The following FBN2 variants were observed in gnomAD, a reference collection of about 807,000 sequenced individuals.
FBN2 encodes the protein fibrillin 2, also known as fibrillin-2.
A neutral mutation model predicts 355.6 loss-of-function variants in FBN2; 105 were observed. The ratio of observed to expected loss-of-function variants is 0.30; its 90% CI spans 0.25 to 0.35. The LOEUF (loss-of-function observed/expected upper bound fraction) is 0.35. FBN2 is among the 10% of genes least tolerant of loss of function. The pLI is 1.00. For synonymous variants in FBN2, 1,350 were observed against 1,301.2 expected (o/e 1.04, Z -0.81); for missense variants, 3,280 against 3,758.7 (o/e 0.87, Z 3.33).
chr5:128,269,747 A>G (rs1425722469), intron 62 of FBN2, among the ~76,000 whole-genome samples: 1 of 152,216 alleles, frequency 6.6e-6, no homozygotes, highest in Non-Finnish European at 1.5e-5. Context: ...ATGAATGGAA[A>G]AACATTCCAT....
chr5:128,355,022 G>A (rs1751464752), intron 20 of FBN2, among the ~76,000 whole-genome samples: 1 of 152,130 alleles, frequency 6.6e-6, no homozygotes, highest in Non-Finnish European at 1.5e-5. Context: ...ACGGACTGGT[G>A]GAACACTTCA....
intron 5 of FBN2, among the ~76,000 whole-genome samples, chr5:128,476,763 T>C (rs1755015105): frequency 6.6e-6 from 1 of 152,336 alleles, no homozygotes; most frequent in East Asian, 1.9e-4. Context: ...ATTCTACTTC[T>C]GTTTTCATGG....
At position 128,263,463 on chromosome 5, in the gene FBN2, G is replaced by A. The variant is rs34119447; in HGVS notation, c.8154C>T (p.Leu2718=). ...YGCSNTEGGY[L]CGCPPGYYRV... ...TGTAATACCCAGGGGGGCAGCCACA[G>A]AGGTAGCCCCCCTCCGTGTTAGAGC... Residue 2718 remains leucine (L), a synonymous_variant, in exon 63 of 65, where the codon CTC becomes CTT. Coordinates refer to ENST00000262464, the MANE Select transcript of FBN2 (RefSeq NM_001999.4). 1.2e-3 allele frequency: 1,891 copies of A among 1,614,106 alleles called. 17 individuals are homozygous for A. In the African/African-American group the frequency reaches 0.02, roughly 17 times the overall value.
At chr5:128,283,746 A>T (rs1749054574) in intron 55 of FBN2, among the ~76,000 whole-genome samples, 1 of 152,214 alleles carries the variant, frequency 6.6e-6, no homozygotes, top group African/African-American at 2.4e-5. Flanking sequence ...AACATATCTG[A>T]CACTGAGCAT....
intron 7 of FBN2, among the ~76,000 whole-genome samples, chr5:128,414,774 C>A (rs572932836): frequency 6.6e-6 from 1 of 152,220 alleles, no homozygotes; most frequent in South Asian, 2.1e-4. Flanking sequence ...GTCCTTCATA[C>A]ACACCACATC....
intron 8 of FBN2, among the ~76,000 whole-genome samples, chr5:128,403,237 C>G (rs943791838): frequency 6.6e-6 from 1 of 151,436 alleles, no homozygotes; most frequent in African/African-American, 2.4e-5. Flanking sequence ...CTCAAACTTT[C>G]TTTTATATTG....
intron 53 of FBN2, among the ~76,000 whole-genome samples, chr5:128,287,984 C>G (rs752655106): frequency 6.6e-6 from 1 of 152,186 alleles, no homozygotes; most frequent in African/African-American, 2.4e-5. Flanking sequence ...AAAGAACTGA[C>G]AGATGAGCCA....
In FBN2 at chr5:128,376,601, A is replaced by G. The variant is rs959886704; in HGVS notation, c.1972+130T>C. On this transcript the variant is annotated intron_variant, in intron 14 of 64. Coordinates refer to ENST00000262464, the MANE Select transcript of FBN2 (RefSeq NM_001999.4). ...CTAGAAAGCTTTAGACACCTGCCTT[A>G]GTGAATTAGCAAGAAATGTGAATAA... 9.3e-6 allele frequency: 10 copies of G among 1,078,028 alleles called. No homozygotes were observed. The East Asian group carries it at 2.4e-4, about 26-fold the overall frequency. The allele number at this position is 1,078,028 out of a possible 1,614,324, so 66.8% of individuals were successfully genotyped here.
chr5:128,357,435 G>A lies in FBN2; in HGVS notation c.2555-40C>T, dbSNP rs142289822. ...GAAAAGATTCTGTTAGAACTGCCAT[G>A]TGTTTCTGGAAAATATTATTCCAAC... On this transcript the variant is annotated intron_variant, in intron 19 of 64. Transcript: ENST00000262464. 315 of 1,612,656 alleles carry A rather than the reference G, an allele frequency of 2.0e-4. No homozygotes were observed. The African/African-American group carries it at 4.0e-3, about 20-fold the overall frequency.
At chr5:128,310,272 C>A (rs1749997940) in intron 39 of FBN2, among the ~76,000 whole-genome samples, 164 bp from the exon 40 acceptor site, 1 of 149,870 alleles carries the variant, frequency 6.7e-6, no homozygotes, top group Non-Finnish European at 1.5e-5. Context: ...AACACAGATA[C>A]ATCTTTCTTC....
Position 128,377,884 on chromosome 5 carries a change from A to C in FBN2, c.1724-7T>G, listed in dbSNP as rs1490528227. Reference sequence around the variant, plus strand: ...TGGATGCACTCATCAATATCTAGGAAGATTGAGAATGGCCAAACATCATTC... The same window carrying C: ...TGGATGCACTCATCAATATCTAGGACGATTGAGAATGGCCAAACATCATTC... On this transcript the variant is annotated splice_region_variant and splice_polypyrimidine_tract_variant and intron_variant, in intron 12 of 64. Coordinates refer to ENST00000262464, the MANE Select transcript of FBN2 (RefSeq NM_001999.4). 2 of 1,612,334 alleles carry C rather than the reference A, an allele frequency of 1.2e-6. No homozygotes were observed. The highest frequency in any genetic ancestry group is 2.7e-5 in the African/African-American group (2 of 74,882).
At chr5:128,344,347 GC>G in intron 25 of FBN2, 37 bp downstream of exon 25, 2 of 1,610,790 alleles carry the variant, frequency 1.2e-6, no homozygotes, top group Non-Finnish European at 1.7e-6. Flanking sequence ...AGGAAAGACA[GC>G]CAGAGTTTAT....
At chr5:128,405,031 C>A (rs762391727) in intron 8 of FBN2, among the ~76,000 whole-genome samples, 4 of 151,936 alleles carry the variant, frequency 2.6e-5, no homozygotes, top group African/African-American at 4.8e-5. Context: ...CATTAGCCAG[C>A]GTAGTGGTGG....
chr5:128,488,188 A>G lies in FBN2; in HGVS notation c.629-23267T>C, dbSNP rs538958017. On this transcript the variant is annotated intron_variant, in intron 5 of 64. Transcript: ENST00000262464. ...GGAGTTCACGCTTCAATGAACCCAG[A>G]CTCAAGAATCTATTACAAAAATGAA... is the stretch of plus-strand genomic sequence containing the variant. Among the ~76,000 whole-genome samples the G allele has an allele frequency of 3.6e-5, 5 of 140,000 alleles. No homozygotes were observed. The East Asian group carries it at 9.8e-4, about 27-fold the overall frequency. The allele number at this position is 140,000 out of a possible 152,430, so 91.8% of individuals were successfully genotyped here.
intron 45 of FBN2, among the ~76,000 whole-genome samples, chr5:128,303,705 T>C (rs73343281): frequency 0.012 from 1,832 of 152,294 alleles, 44 homozygotes; most frequent in African/African-American, 0.042. Context: ...GGGGCTGGTA[T>C]TGTTCTTTAG....
At chr5:128,415,077 T>G (rs1753160953) in intron 7 of FBN2, among the ~76,000 whole-genome samples, 1 of 152,174 alleles carries the variant, frequency 6.6e-6, no homozygotes, top group Admixed American at 6.5e-5. Context: ...AAGTTTTTCA[T>G]TAAAATATAA....
intron 5 of FBN2, among the ~76,000 whole-genome samples, chr5:128,514,493 T>C (rs1291975059): frequency 6.6e-6 from 1 of 152,196 alleles, no homozygotes; most frequent in African/African-American, 2.4e-5. Flanking sequence ...AAGTATATAT[T>C]GGTTTTTCTT....
chr5:128,438,838 C>T (rs1012688075), intron 7 of FBN2, among the ~76,000 whole-genome samples: 7 of 152,060 alleles, frequency 4.6e-5, no homozygotes, highest in African/African-American at 1.4e-4. Flanking sequence ...AAGTCAAAAA[C>T]TTAGGTTAGG....
rs489214 is a variant in FBN2, at chr5:128,278,502, A to T, written c.7345+133T>A. 2.9e-5 allele frequency: 22 copies of T among 757,034 alleles called. No homozygotes were observed. The East Asian group carries it at 5.6e-4, about 19-fold the overall frequency. 46.9% of individuals were successfully genotyped at this position (757,034 alleles called of 1,614,324 possible). On this transcript the variant is annotated intron_variant, in intron 57 of 64. Transcript: ENST00000262464. Reference sequence around the variant, plus strand: ...TACATATATATGAAAACACACATCAAATATAAATATCAAGGTATAAACATT... The same window carrying T: ...TACATATATATGAAAACACACATCATATATAAATATCAAGGTATAAACATT...
Sources: gnomAD v4.1 joint callset for allele counts (sites outside exome capture counted in the v4.1 genomes callset) on GRCh38, gnomAD v4.1.1 for gene constraint, MANE v1.5 for transcripts, NCBI Gene and HGNC (gene_info 2026-07-23, HGNC 2026-07-21) for gene names.